The following ABI1 variants were observed in gnomAD, a reference collection of about 807,000 sequenced individuals.
ABI1 encodes the protein Abelson interactor 1.
Under a neutral mutation model 54.6 loss-of-function variants are expected in ABI1, and 14 were observed. The ratio of observed to expected loss-of-function variants is 0.26; its 90% CI spans 0.17 to 0.40. The LOEUF (loss-of-function observed/expected upper bound fraction) is 0.40. ABI1 is among the 10% of genes least tolerant of loss of function. The probability of loss-of-function intolerance (pLI) is 1.00; values close to 1 mark genes in which losing one functional copy is unlikely to be tolerated. For synonymous variants in ABI1, 194 were observed against 209.3 expected (o/e 0.93, Z 0.63); for missense variants, 443 against 598.3 (o/e 0.74, Z 2.71).
intron 5 of ABI1, 123 bp from the exon 6 acceptor site, chr10:26,769,115 G>T: frequency 1.4e-6 from 1 of 737,856 alleles, no homozygotes; most frequent in Non-Finnish European, 2.0e-6. Context: ...ATATGACAAA[G>T]TTTGTAATTT....
intron 1 of ABI1, among the ~76,000 whole-genome samples, chr10:26,836,305 G>T (rs978496999): frequency 1.3e-5 from 2 of 151,744 alleles, no homozygotes; most frequent in Non-Finnish European, 2.9e-5. Context: ...TAGAGACAGG[G>T]TTTCACCATG....
At chr10:26,777,336 G>T in intron 2 of ABI1, 95 bp from the exon 3 acceptor site, 10 of 850,404 alleles carry the variant, frequency 1.2e-5, no homozygotes, top group Non-Finnish European at 1.8e-5. Context: ...AGACCACAGG[G>T]CTGTACACCA....
intron 1 of ABI1, among the ~76,000 whole-genome samples, chr10:26,828,303 G>C (rs907462453): frequency 6.6e-6 from 1 of 152,024 alleles, no homozygotes; most frequent in African/African-American, 2.4e-5. Flanking sequence ...TAATAACATC[G>C]AATATCACCA....
chr10:26,837,804 A>G (rs12358636), intron 1 of ABI1, among the ~76,000 whole-genome samples: 33,108 of 143,172 alleles, frequency 0.23, 4,382 homozygotes, highest in South Asian at 0.4. Flanking sequence ...TAGTAGAGAC[A>G]GGGTTTCCTC....
intron 2 of ABI1, among the ~76,000 whole-genome samples, chr10:26,784,595 C>T (rs772322303): frequency 6.6e-6 from 1 of 152,150 alleles, no homozygotes; most frequent in Non-Finnish European, 1.5e-5. Flanking sequence ...ATATAAACAA[C>T]ACATTCTTTA....
At chr10:26,833,941 A>T (rs1022599787) in intron 1 of ABI1, among the ~76,000 whole-genome samples, 1 of 152,230 alleles carries the variant, frequency 6.6e-6, no homozygotes, top group Admixed American at 6.5e-5. Context: ...AAAAATTAAT[A>T]TACTGGGGCC....
At chr10:26,836,022 G>C (rs954199224) in intron 1 of ABI1, among the ~76,000 whole-genome samples, 1 of 151,948 alleles carries the variant, frequency 6.6e-6, no homozygotes, top group African/African-American at 2.4e-5. Context: ...TAAACTGCTA[G>C]GATTACAAGC....
rs149811716 is a variant in ABI1 at position 26,807,211 on chromosome 10, C to A, written c.285+15927G>T. Among the ~76,000 whole-genome samples the A allele has an allele frequency of 3.6e-3, 548 of 152,242 alleles. 5 individuals carry two copies. Among genetic ancestry groups the A allele is most frequent in the East Asian group, 0.03 (155 of 5,180 alleles). ...ACAGTAGGCCAGGCACAGTGGCTCACGCCTGTAATCCCAGCACTTTTGGAG... is the reference window on the plus strand; with the variant it reads ...ACAGTAGGCCAGGCACAGTGGCTCAAGCCTGTAATCCCAGCACTTTTGGAG... On this transcript the variant is annotated intron_variant, in intron 2 of 10. Coordinates refer to ENST00000376140, the MANE Select transcript of ABI1 (RefSeq NM_001012750.3).
intron 1 of ABI1, among the ~76,000 whole-genome samples, chr10:26,841,237 C>T (rs1469280516): frequency 1.3e-5 from 2 of 152,000 alleles, no homozygotes; most frequent in East Asian, 3.8e-4. Context: ...ACCTGGTGAG[C>T]TTTTATTCTT....
At chr10:26,833,319 G>A (rs1360260646) in intron 1 of ABI1, among the ~76,000 whole-genome samples, 3 of 152,134 alleles carry the variant, frequency 2.0e-5, no homozygotes, top group Non-Finnish European at 4.4e-5. Flanking sequence ...ATATTTTTAA[G>A]CCTTTTCGAT....
chr10:26,812,134 G>A (rs1484823609), intron 2 of ABI1, among the ~76,000 whole-genome samples: 2 of 152,042 alleles, frequency 1.3e-5, no homozygotes, highest in African/African-American at 4.8e-5. Flanking sequence ...TTACATTTAT[G>A]GCCCACTGCA....
chr10:26,763,869 T>C (rs759048348), intron 7 of ABI1: 25 of 1,608,362 alleles, frequency 1.6e-5, no homozygotes, highest in African/African-American at 2.7e-5. Context: ...CCAATGGCTA[T>C]GCAATCTCAC....
chr10:26,849,262 T>C (rs2050215286), intron 1 of ABI1, among the ~76,000 whole-genome samples: 1 of 152,080 alleles, frequency 6.6e-6, no homozygotes, highest in Admixed American at 6.6e-5. Context: ...CAAGGCAATG[T>C]CACAGACGAT....
rs117015290 is a variant in ABI1, at chr10:26,845,688, T to C, written c.117+15059A>G. 4.5e-4 allele frequency among the ~76,000 whole-genome samples: 69 copies of C among 152,280 alleles called. No individual in the cohort carries two copies. The East Asian group carries it at 6.2e-3, about 14-fold the overall frequency. On this transcript the variant is annotated intron_variant, in intron 1 of 10. Transcript: ENST00000376140. ...TAGACATCATACCACCACATCATAA[T>C]ACCTAACAGACAGTCTTCCATAGAG...
intron 2 of ABI1, chr10:26,789,292 G>A (rs965219467): frequency 1.3e-5 from 2 of 152,192 alleles, no homozygotes; most frequent in African/African-American, 4.8e-5. Flanking sequence ...GCACCTGAAG[G>A]AGAAGAGACA....
chr10:26,818,851 A>G (rs532670742), intron 2 of ABI1, among the ~76,000 whole-genome samples: 86 of 152,012 alleles, frequency 5.7e-4, no homozygotes, highest in Non-Finnish European at 1.1e-3. Context: ...TTAGCCGGGC[A>G]TGGTGGCGGG....
chr10:26,853,486 T>C (rs940803968), intron 1 of ABI1, among the ~76,000 whole-genome samples: 3 of 151,382 alleles, frequency 2.0e-5, no homozygotes, highest in African/African-American at 7.3e-5. Flanking sequence ...ATCAAAACTT[T>C]GTAAATGCTT....
chr10:26,860,698 G>C lies in ABI1; in HGVS notation c.117+49C>G. On this transcript the variant is annotated intron_variant, in intron 1 of 10. Transcript: ENST00000376140. This position sits in a 1 kb window ranked among gnomAD's most constrained non-coding sequence, Gnocchi z 4.1. ...CCCCGCCCAGTGGGCTGGTCACTCC[G>C]GCGGGTCCTCGACCCGGCCAGCGCC... 6.1e-6 allele frequency: 9 copies of C among 1,483,042 alleles called. No homozygotes were observed. Among genetic ancestry groups the C allele is most frequent in the Non-Finnish European group, 4.7e-6 (5 of 1,063,528 alleles). 91.9% of individuals were successfully genotyped at this position (1,483,042 alleles called of 1,614,324 possible). A position where few individuals can be genotyped will look rare whatever the true frequency, so the allele number is the denominator to read the frequency against.
intron 1 of ABI1, among the ~76,000 whole-genome samples, chr10:26,829,790 G>T (rs947082874): frequency 2.0e-5 from 3 of 152,148 alleles, no homozygotes; most frequent in Admixed American, 2.0e-4. Context: ...ACTTTTGTAG[G>T]ATGCTATGGA....
Sources: allele counts gnomAD v4.1 joint callset (sites outside exome capture counted in the v4.1 genomes callset), GRCh38; gene constraint gnomAD v4.1.1; non-coding constraint Gnocchi (gnomAD v3.1); transcripts MANE v1.5; gene names NCBI Gene and HGNC (gene_info 2026-07-23, HGNC 2026-07-21).